Variants in ITGA2 observed in about 807,000 individuals in gnomAD.
The protein encoded by ITGA2 is integrin alpha-2.
ITGA2 carries 101 observed loss-of-function variants against 146.3 expected under a neutral mutation model. The ratio of observed to expected loss-of-function variants is 0.69; its 90% confidence interval spans 0.59 to 0.81. ITGA2 has a LOEUF of 0.81. Ranked by LOEUF, ITGA2 falls within the 40% of genes least tolerant of loss-of-function variation. ITGA2 has a pLI of 0.00. For missense variants in ITGA2, 1,281 were observed against 1,402.7 expected, an observed-to-expected ratio of 0.91 and a Z score of 1.39; for synonymous variants, 477 against 487.1, an observed-to-expected ratio of 0.98 and a Z score of 0.27.
intron 1 of ITGA2, among the ~76,000 whole-genome samples, chr5:53,006,760 T>C (rs1741877879): frequency 1.3e-5 from 2 of 152,166 alleles, no homozygotes; most frequent in Non-Finnish European, 2.9e-5. Context: ...GCACTTCCCT[T>C]CCTCTGTTTT....
At chr5:53,002,328 A>G (rs1405306139) in intron 1 of ITGA2, among the ~76,000 whole-genome samples, 1 of 152,136 alleles carries the variant, frequency 6.6e-6, no homozygotes, top group African/African-American at 2.4e-5. Flanking sequence ...TAATAATTTT[A>G]TCTTGTGGAT....
Position 53,090,694 on chromosome 5 carries a change from T to C in ITGA2, c.*95T>C, listed in dbSNP as rs1262857855. 1.5e-5 allele frequency: 15 copies of C among 983,298 alleles called. No individual in the cohort carries two copies. In the Admixed American group the frequency reaches 2.9e-4, roughly 19 times the overall value. 60.9% of individuals were successfully genotyped at this position (983,298 alleles called of 1,614,324 possible). The stretch of plus-strand genomic sequence containing the variant: ...TTCTTTTTAAATCCCATATTTTTTT[T>C]ATCATGTCGTAGGTAAACTAACCTG... On this transcript the variant is annotated 3_prime_UTR_variant, in exon 30 of 30. Coordinates refer to ENST00000296585, the MANE Select transcript of ITGA2 (RefSeq NM_002203.4).
intron 1 of ITGA2, among the ~76,000 whole-genome samples, chr5:53,025,939 C>G (rs1742922707): frequency 6.6e-6 from 1 of 152,110 alleles, no homozygotes. Flanking sequence ...CCTTCATTCC[C>G]TTTCCATCAG....
rs1745073043 is a variant in ITGA2 at position 53,064,893 on chromosome 5, TTTG to T, written c.1603-16_1603-14del. The T allele has an allele frequency of 1.2e-6, 2 of 1,609,942 alleles. No homozygotes were observed. The highest frequency in any genetic ancestry group is 1.7e-6 in the Non-Finnish European group (2 of 1,176,696). ...TTGTAAGGTTTGCTTTAATCATCCT[TTTG>T]TTTCCCCTTTGCAAGGGCATTTTGG... On this transcript the variant is annotated splice_polypyrimidine_tract_variant and intron_variant, in intron 13 of 29. Coordinates refer to ENST00000296585, the MANE Select transcript of ITGA2 (RefSeq NM_002203.4).
chr5:53,025,739 T>G (rs1372723341), intron 1 of ITGA2, among the ~76,000 whole-genome samples: 6 of 152,158 alleles, frequency 3.9e-5, no homozygotes, highest in Non-Finnish European at 7.3e-5. Context: ...AACTTTGATG[T>G]CAATTTTAAA....
chr5:53,038,866 G>A (rs540037471), intron 2 of ITGA2, among the ~76,000 whole-genome samples: 169 of 152,270 alleles, frequency 1.1e-3, no homozygotes, highest in East Asian at 7.7e-4. Flanking sequence ...CAAGGAGGGT[G>A]GATCACTTGA....
chr5:53,080,951 G>A (rs1312619392), intron 25 of ITGA2, among the ~76,000 whole-genome samples: 2 of 152,146 alleles, frequency 1.3e-5, no homozygotes, highest in African/African-American at 4.8e-5. Flanking sequence ...TCACAGCTGT[G>A]ATAAGGAGCT....
In ITGA2 at chr5:53,090,542, T is replaced by C. The variant is rs776079779; in HGVS notation, c.3489T>C (p.Tyr1163=). The stretch of plus-strand genomic sequence containing the variant: ...AGCTCGGCTTCTTCAAAAGAAAATA[T>C]GAAAAGATGACCAAAAATCCAGATG... ...LWKLGFFKRK[Y]EKMTKNPDEI... is the part of the protein sequence containing the mutation. The change falls in exon 30 of 30, where the codon TAT becomes TAC. Residue 1163 remains tyrosine, a synonymous_variant. Transcript: ENST00000296585. 13 of 1,614,050 alleles carry C rather than the reference T, an allele frequency of 8.1e-6. No individual in the cohort carries two copies. The highest frequency in any genetic ancestry group is 1.1e-5 in the Non-Finnish European group (13 of 1,179,968).
At chr5:52,993,994 A>G (rs1741098544) in intron 1 of ITGA2, among the ~76,000 whole-genome samples, 1 of 152,198 alleles carries the variant, frequency 6.6e-6, no homozygotes, top group Admixed American at 6.5e-5. Context: ...CAGAACATAC[A>G]GAAGAGTGGC....
rs10072303 is a variant in ITGA2 at position 53,027,182 on chromosome 5, G to T, written c.185+314G>T. Among the ~76,000 whole-genome samples the T allele has an allele frequency of 8.9e-3, 1,361 of 152,300 alleles. 25 individuals are homozygous for T. The highest frequency in any genetic ancestry group is 0.031 in the African/African-American group (1,298 of 41,560). On this transcript the variant is annotated intron_variant, in intron 2 of 29. Coordinates refer to ENST00000296585, the MANE Select transcript of ITGA2 (RefSeq NM_002203.4). ...GAATGATAGATTTGTCTTCATTTCTGATCATGTAAACTGATATTCATTGAA... is the reference window on the plus strand; with the variant it reads ...GAATGATAGATTTGTCTTCATTTCTTATCATGTAAACTGATATTCATTGAA...
intron 1 of ITGA2, among the ~76,000 whole-genome samples, chr5:53,014,907 A>G (rs1579800324): frequency 6.6e-6 from 1 of 151,942 alleles, no homozygotes; most frequent in Admixed American, 6.6e-5. Context: ...ATGGACTCTA[A>G]GGGTTTTTAG....
intron 10 of ITGA2, 62 bp from the exon 11 acceptor site, chr5:53,059,812 C>T (rs1579868722): frequency 1.3e-6 from 2 of 1,481,816 alleles, no homozygotes; most frequent in Non-Finnish European, 1.9e-6. Flanking sequence ...TTTTGCCTAC[C>T]CTGCATTCTT....
chr5:53,038,241 G>A lies in ITGA2; in HGVS notation c.186-3871G>A, dbSNP rs142046611. On this transcript the variant is annotated intron_variant, in intron 2 of 29. Coordinates refer to ENST00000296585, the MANE Select transcript of ITGA2 (RefSeq NM_002203.4). ...AAAAAAACAGTTAAATTTTAGATCAGACACACTTCTCTGTTGTTTCTCAGC... is the reference window on the plus strand; with the variant it reads ...AAAAAAACAGTTAAATTTTAGATCAAACACACTTCTCTGTTGTTTCTCAGC... Among the ~76,000 whole-genome samples the A allele has an allele frequency of 1.2e-3, 181 of 151,322 alleles. 1 individual carries two copies. In the South Asian group the frequency reaches 0.027, roughly 23 times the overall value.
At chr5:52,990,748 A>G (rs1366345483) in intron 1 of ITGA2, among the ~76,000 whole-genome samples, 2 of 152,012 alleles carry the variant, frequency 1.3e-5, no homozygotes, top group Non-Finnish European at 2.9e-5. Context: ...CCCCAGCCCG[A>G]GCAGAGAATG....
chr5:53,067,335 T>G, intron 16 of ITGA2, 78 bp downstream of exon 16: 1 of 1,529,834 alleles, frequency 6.5e-7, no homozygotes, highest in Non-Finnish European at 9.0e-7. Context: ...ATATTTTGGT[T>G]TGTAGGCCAA....
At chr5:53,003,890 C>T (rs1301725741) in intron 1 of ITGA2, among the ~76,000 whole-genome samples, 2 of 152,134 alleles carry the variant, frequency 1.3e-5, no homozygotes, top group African/African-American at 4.8e-5. Context: ...AAGCGATCTG[C>T]CCTCCTCAGC....
chr5:53,055,723 A>AAATC (rs1744598716), intron 8 of ITGA2, 35 bp downstream of exon 8: 1 of 1,609,440 alleles, frequency 6.2e-7, no homozygotes, highest in East Asian at 2.2e-5. Flanking sequence ...TCTTGCCGCT[A>AAATC]TTGGGTAAAT....
At chr5:53,003,682 C>T (rs1020683379) in intron 1 of ITGA2, among the ~76,000 whole-genome samples, 1 of 152,182 alleles carries the variant, frequency 6.6e-6, no homozygotes, top group Non-Finnish European at 1.5e-5. Flanking sequence ...CAAAGTCTCA[C>T]CTAGATTCAG....
intron 1 of ITGA2, among the ~76,000 whole-genome samples, chr5:53,020,249 G>A (rs927784666): frequency 6.6e-6 from 1 of 152,168 alleles, no homozygotes; most frequent in African/African-American, 2.4e-5. Context: ...TTTGAATAGA[G>A]AGAGAAAAAA....
Sources: gnomAD v4.1 joint callset for allele counts (sites outside exome capture counted in the v4.1 genomes callset) on GRCh38, gnomAD v4.1.1 for gene constraint, MANE v1.5 for transcripts, NCBI Gene and HGNC (gene_info 2026-07-23, HGNC 2026-07-21) for gene names.